Variants in SORCS2 observed in about 807,000 individuals in gnomAD.
The protein encoded by SORCS2 is sortilin related VPS10 domain containing receptor 2, also known as VPS10 domain-containing receptor SorCS2.
Under a neutral mutation model 141.6 loss-of-function variants are expected in SORCS2, and 100 were observed. That is an observed-to-expected ratio of 0.71 (90% CI 0.60 to 0.83). The LOEUF (loss-of-function observed/expected upper bound fraction) is 0.83. SORCS2 is among the 40% of genes least tolerant of loss of function. The pLI is 0.00. For synonymous variants in SORCS2, 789 were observed against 676.9 expected, an observed-to-expected ratio of 1.17 and a Z score of -2.57; for missense variants, 1,646 against 1,560.2, an observed-to-expected ratio of 1.05 and a Z score of -0.93.
In SORCS2 at chr4:7,381,206, G is replaced by A. The variant is rs141855801; in HGVS notation, c.481-15082G>A. ...TGAATGATCAGATATTGGGTTTCTT[G>A]AGCTGTTTGGTCGATGACATGACAG... On this transcript the variant is annotated intron_variant, in intron 1 of 26. Transcript: ENST00000507866. Among the ~76,000 whole-genome samples, 9 of 152,270 alleles carry A rather than the reference G, an allele frequency of 5.9e-5. No homozygotes were observed. In the East Asian group the frequency reaches 1.7e-3, roughly 29 times the overall value.
chr4:7,549,214 A>G (rs2109624243), intron 3 of SORCS2, among the ~76,000 whole-genome samples: 1 of 152,224 alleles, frequency 6.6e-6, no homozygotes, highest in South Asian at 2.1e-4. Context: ...GTTTTTTATT[A>G]AAAAAAGAAA....
At chr4:7,232,136 G>C (rs1320898922) in intron 1 of SORCS2, among the ~76,000 whole-genome samples, 1 of 152,222 alleles carries the variant, frequency 6.6e-6, no homozygotes, top group South Asian at 2.1e-4. Flanking sequence ...GGGGCACAGC[G>C]TGGAGCAGGA....
At chr4:7,257,243 G>A (rs1220842819) in intron 1 of SORCS2, among the ~76,000 whole-genome samples, 2 of 152,030 alleles carry the variant, frequency 1.3e-5, no homozygotes, top group African/African-American at 2.4e-5. Context: ...ACGGATCGGC[G>A]GTGAGGTGAG....
chr4:7,552,113 A>G lies in SORCS2; in HGVS notation c.648+20484A>G, dbSNP rs572704664. Among the ~76,000 whole-genome samples, 6 of 152,274 alleles carry G rather than the reference A, an allele frequency of 3.9e-5. No homozygotes were observed. In the South Asian group the frequency reaches 6.2e-4, roughly 16 times the overall value. On this transcript the variant is annotated intron_variant, in intron 3 of 26. Transcript: ENST00000507866. ...ATTTGTCCCATATCAATTAGCCATT[A>G]TGCATCCTCCAAAGTCCTGCTACAC... is the stretch of plus-strand genomic sequence containing the variant.
At chr4:7,633,077 G>T (rs1007284001) in intron 3 of SORCS2, among the ~76,000 whole-genome samples, 7 of 152,236 alleles carry the variant, frequency 4.6e-5, no homozygotes, top group Non-Finnish European at 7.3e-5. Flanking sequence ...AAATTTGAAA[G>T]AAGCTATTTT....
Position 7,416,890 on chromosome 4 carries a change from A to G in SORCS2, c.548+20535A>G, listed in dbSNP as rs1232082411. ...TGCATGCTCAGACACACACATATGCATGCACACACACGTGTGCAGACACAC... is the reference window on the plus strand; with the variant it reads ...TGCATGCTCAGACACACACATATGCGTGCACACACACGTGTGCAGACACAC... On this transcript the variant is annotated intron_variant, in intron 2 of 26. Transcript: ENST00000507866. Among the ~76,000 whole-genome samples the G allele has an allele frequency of 3.9e-5, 6 of 151,984 alleles. No individual in the cohort carries two copies. In the South Asian group the frequency reaches 1.2e-3, roughly 31 times the overall value.
intron 1 of SORCS2, among the ~76,000 whole-genome samples, chr4:7,294,439 G>A (rs555203712): frequency 1.4e-3 from 219 of 152,066 alleles, no homozygotes; most frequent in African/African-American, 4.4e-3. Flanking sequence ...TGGGAACTGC[G>A]GCCTGCAGAC....
rs763613488 is a variant in SORCS2 at position 7,704,209 on chromosome 4, C to T, written c.1793C>T (p.Thr598Met). 34 of 1,612,996 alleles carry T rather than the reference C, an allele frequency of 2.1e-5. No homozygotes were observed. Among genetic ancestry groups the T allele is most frequent in the Non-Finnish European group, 2.4e-5 (28 of 1,179,640 alleles). The part of the protein sequence containing the change: ...FSVDEGLTWS[T>M]HNFTSTSVFV... Reference sequence around the variant, plus strand: ...GTGGACGAGGGCCTCACCTGGAGCACGCACAACTTCACCAGCACCTCGGTG... The same window carrying T: ...GTGGACGAGGGCCTCACCTGGAGCATGCACAACTTCACCAGCACCTCGGTG... The change falls in exon 14 of 27, where the codon ACG becomes ATG. Residue 598 changes from threonine to methionine, a missense_variant. Transcript: ENST00000507866.
intron 1 of SORCS2, among the ~76,000 whole-genome samples, chr4:7,229,408 A>G (rs1711656664): frequency 6.6e-6 from 1 of 151,996 alleles, no homozygotes; most frequent in Non-Finnish European, 1.5e-5. Context: ...TAAGGACTCC[A>G]TCCTCTTCCC....
intron 2 of SORCS2, among the ~76,000 whole-genome samples, chr4:7,520,151 G>A (rs11735062): frequency 0.024 from 3,595 of 152,292 alleles, 84 homozygotes; most frequent in Non-Finnish European, 0.032. Flanking sequence ...ACAGTTGCAC[G>A]GCACCGCTGG....
rs1727483144 is a variant in SORCS2 at position 7,201,556 on chromosome 4, T to C, written c.480+8430T>C. Among the ~76,000 whole-genome samples the C allele has an allele frequency of 6.6e-6, 1 of 152,158 alleles. No homozygotes were observed. Among genetic ancestry groups the C allele is most frequent in the African/African-American group, 2.4e-5 (1 of 41,430 alleles). ...GTCAGGCTAAGACTTGTGCAGATGA[T>C]TCGATGGAGAGCAGACTGGAGTGAC... On this transcript the variant is annotated intron_variant, in intron 1 of 26. Transcript: ENST00000507866. This position sits in a 1 kb window ranked among gnomAD's most constrained non-coding sequence, Gnocchi z 4.4.
At chr4:7,639,727 G>A (rs1452509799) in intron 4 of SORCS2, among the ~76,000 whole-genome samples, 2 of 151,824 alleles carry the variant, frequency 1.3e-5, no homozygotes, top group Non-Finnish European at 2.9e-5. Context: ...CTGTGAGTGG[G>A]TGTGGGTGTG....
At chr4:7,542,687 T>A (rs1470961927) in intron 3 of SORCS2, among the ~76,000 whole-genome samples, 1 of 152,218 alleles carries the variant, frequency 6.6e-6, no homozygotes, top group African/African-American at 2.4e-5. Context: ...TGTGACACTT[T>A]GTCTCGGAAG....
rs1577894216 is a variant in SORCS2 at position 7,648,566 on chromosome 4, C to A, written c.814-5568C>A. On this transcript the variant is annotated intron_variant, in intron 4 of 26. Transcript: ENST00000507866. This position sits in a 1 kb window ranked among gnomAD's most constrained non-coding sequence, Gnocchi z 4.2. ...CAGACCAACCCCTGCCCTCGTGGGGCCTCCTTTCTAGATGAGGATGGGGGC... is the reference window on the plus strand; with the variant it reads ...CAGACCAACCCCTGCCCTCGTGGGGACTCCTTTCTAGATGAGGATGGGGGC... 1.3e-5 allele frequency among the ~76,000 whole-genome samples: 2 copies of A among 152,234 alleles called. No homozygotes were observed. Among genetic ancestry groups the A allele is most frequent in the South Asian group, 2.1e-4 (1 of 4,824 alleles).
chr4:7,471,602 TCAGAG>T (rs1729981939), intron 2 of SORCS2, among the ~76,000 whole-genome samples: 1 of 152,176 alleles, frequency 6.6e-6, no homozygotes, highest in Non-Finnish European at 1.5e-5. Context: ...CCTGGACTCA[TCAGAG>T]CAAACTGTCC....
rs558807914 is a variant in SORCS2 at position 7,531,115 on chromosome 4, C to T, written c.549-415C>T. Among the ~76,000 whole-genome samples, 11 of 152,316 alleles carry T rather than the reference C, an allele frequency of 7.2e-5. No individual in the cohort carries two copies. The East Asian group carries it at 1.9e-3, about 27-fold the overall frequency. ...CCAGCCTGAAATCAGACGGGCCAGT[C>T]AAATCCTGAGTCAGCCACTTATTAA... On this transcript the variant is annotated intron_variant, in intron 2 of 26. Transcript: ENST00000507866.
chr4:7,681,584 G>A (rs564121792), intron 9 of SORCS2, among the ~76,000 whole-genome samples: 1 of 152,348 alleles, frequency 6.6e-6, no homozygotes, highest in Non-Finnish European at 1.5e-5. Context: ...GCCCTCCAGA[G>A]CTGTGGGAGA....
intron 2 of SORCS2, among the ~76,000 whole-genome samples, chr4:7,492,974 A>G (rs540773387): frequency 6.6e-6 from 1 of 152,302 alleles, no homozygotes; most frequent in African/African-American, 2.4e-5. Flanking sequence ...ACAGAAGTTC[A>G]TTTCTCACCC....
At chr4:7,552,438 G>A (rs1368716481) in intron 3 of SORCS2, among the ~76,000 whole-genome samples, 1 of 152,134 alleles carries the variant, frequency 6.6e-6, no homozygotes, top group African/African-American at 2.4e-5. Context: ...CCACTAGAGG[G>A]TAGCTCTGAT....
Sources: allele counts gnomAD v4.1 joint callset (sites outside exome capture counted in the v4.1 genomes callset), GRCh38; gene constraint gnomAD v4.1.1; non-coding constraint Gnocchi (gnomAD v3.1); transcripts MANE v1.5; gene names NCBI Gene and HGNC (gene_info 2026-07-23, HGNC 2026-07-21).